The following ZNF446 variants were observed in gnomAD, a reference collection of about 807,000 sequenced individuals.
The protein encoded by ZNF446 is zinc finger protein 446, also known as zinc finger protein with KRAB and SCAN domains 20.
A neutral mutation model predicts 34.0 loss-of-function variants in ZNF446; 42 were observed. The ratio of observed to expected loss-of-function variants is 1.23; its 90% CI spans 0.96 to 1.60. The LOEUF (loss-of-function observed/expected upper bound fraction) is 1.60, where lower values mean the gene tolerates loss of function less well. Among genes scored for constraint, ZNF446 ranks in the 40% most tolerant of loss-of-function variants. The probability of loss-of-function intolerance (pLI) is 0.00; values close to 1 mark genes in which losing one functional copy is unlikely to be tolerated. For missense variants in ZNF446, 650 were observed against 600.2 expected (o/e 1.08, Z -0.87); for synonymous variants, 315 against 251.0 (o/e 1.25, Z -2.41).
At chr19:58,484,605 G>A (rs1394733076), downstream of ZNF446, among the ~76,000 whole-genome samples, 8 of 151,938 alleles carry the variant, frequency 5.3e-5, no homozygotes, top group Admixed American at 5.3e-4. Context: ...GCAAAGGCGG[G>A]CGGACTGCTT....
At position 58,477,199 on chromosome 19, in the gene ZNF446, G is replaced by C. The variant is rs368709271; in HGVS notation, c.-20G>C. 90 of 1,528,502 alleles carry C rather than the reference G, an allele frequency of 5.9e-5. No homozygotes were observed. The Admixed American group carries it at 1.8e-3, about 31-fold the overall frequency. 94.7% of individuals were successfully genotyped at this position (1,528,502 alleles called of 1,614,324 possible). A position where few individuals can be genotyped will look rare whatever the true frequency, so the allele number is the denominator to read the frequency against. ...TGTAGGCCCATCTTGACGATTCCAA[G>C]ACCACCCCCTTGAGCAAGAATGCCA... On this transcript the variant is annotated 5_prime_UTR_variant, in exon 2 of 7. Coordinates refer to ENST00000594369, the MANE Select transcript of ZNF446 (RefSeq NM_017908.4).
chr19:58,487,811 A>G, the ZNF446 span, among the ~76,000 whole-genome samples: 1 of 152,258 alleles, frequency 6.6e-6, no homozygotes, highest in Non-Finnish European at 1.5e-5. Context: ...TCTATCTCAA[A>G]AAACAAATTA....
chr19:58,484,264 C>A (rs1704492501), downstream of ZNF446, among the ~76,000 whole-genome samples: 1 of 125,504 alleles, frequency 8.0e-6, no homozygotes, highest in Non-Finnish European at 1.7e-5. Context: ...GAGTGAGACC[C>A]CATCTCTAAA....
chr19:58,480,027 C>T lies in ZNF446; in HGVS notation c.802+8C>T. On this transcript the variant is annotated splice_region_variant and intron_variant, in intron 6 of 6. Coordinates refer to ENST00000594369, the MANE Select transcript of ZNF446 (RefSeq NM_017908.4). This position sits in a 1 kb window ranked among gnomAD's most constrained non-coding sequence, Gnocchi z 7.2. ...GCAGAAGCCTGCGCTCGGGTGAGTG[C>T]CCCACACCATCCAGCCTGAATCACC... 1.3e-6 allele frequency: 2 copies of T among 1,576,970 alleles called. No homozygotes were observed. The highest frequency in any genetic ancestry group is 1.8e-5 in the Admixed American group (1 of 55,318).
rs1249019379 is a variant in ZNF446, at chr19:58,478,099, C to T, written c.545C>T (p.Pro182Leu). Residue 182 changes from proline to leucine, a missense_variant, in exon 4 of 7, where the codon CCT becomes CTT. Pro to Leu is a moderately conservative substitution (Grantham distance 98, BLOSUM62 -3). Transcript: ENST00000594369. ...VDGQEVAPSSPPLAAQSPEGN... is the reference protein window; with the variant it reads ...VDGQEVAPSSLPLAAQSPEGN... ...CCCCACTTTTCAGCACCCTCCAGCC[C>T]TCCACTTGCAGCACAGTCCCCTGAG... 4 of 1,613,600 alleles carry T rather than the reference C, an allele frequency of 2.5e-6. No individual in the cohort carries two copies. The highest frequency in any genetic ancestry group is 2.5e-6 in the Non-Finnish European group (3 of 1,179,700).
intron 1 of ZNF446, 150 bp downstream of exon 1, chr19:58,476,654 C>T (rs7250723): frequency 0.014 from 2,192 of 152,348 alleles, 42 homozygotes; most frequent in African/African-American, 0.05. Flanking sequence ...GCCCACGGCT[C>T]GCTGTGGTCA....
chr19:58,479,103 C>G (rs145913021), intron 4 of ZNF446, among the ~76,000 whole-genome samples: 1 of 152,162 alleles, frequency 6.6e-6, no homozygotes, highest in South Asian at 2.1e-4. Flanking sequence ...AGATGTGTTT[C>G]GAGGCTAAGA....
intron 5 of ZNF446, 66 bp from the exon 6 acceptor site, chr19:58,479,864 A>AC (rs1472700605): frequency 7.2e-7 from 1 of 1,397,282 alleles, no homozygotes; most frequent in Non-Finnish European, 9.9e-7. Flanking sequence ...CCTGTCACCT[A>AC]CCAGAACCGA....
downstream of ZNF446, among the ~76,000 whole-genome samples, chr19:58,485,032 G>A (rs1164341011): frequency 6.6e-6 from 1 of 152,036 alleles, no homozygotes; most frequent in African/African-American, 2.4e-5. Flanking sequence ...CGGAGCAACA[G>A]AGTGAGACCC....
chr19:58,485,063 A>C (rs984067999), downstream of ZNF446, among the ~76,000 whole-genome samples: 1 of 152,290 alleles, frequency 6.6e-6, no homozygotes, highest in South Asian at 2.1e-4. Context: ...AAATAAAAAG[A>C]AGCACATTTT....
chr19:58,477,556 G>T lies in ZNF446; in HGVS notation c.338G>T (p.Gly113Val). 6.2e-7 allele frequency: 1 copy of T among 1,612,238 alleles called. No individual in the cohort carries two copies. Among genetic ancestry groups the T allele is most frequent in the African/African-American group, 1.3e-5 (1 of 75,052 alleles). The change falls in exon 2 of 7, where the codon GGC becomes GTC. Residue 113 changes from glycine (G) to valine (V), a missense_variant. Physicochemically the swap from Gly to Val is moderately radical, Grantham distance 109. Coordinates refer to ENST00000594369, the MANE Select transcript of ZNF446 (RefSeq NM_017908.4). ...GLQHDPGQLL[G>V]WITAHVLKQE... is the part of the protein sequence containing the mutation. ...CAGCATGACCCTGGGCAACTGTTGG[G>T]CTGGGTGAGTGTGGCTGGCATCAGC...
the ZNF446 span, among the ~76,000 whole-genome samples, chr19:58,488,838 A>G: frequency 1.3e-4 from 19 of 141,126 alleles, no homozygotes; most frequent in Non-Finnish European, 2.0e-4. Context: ...GTGACAGAGC[A>G]AGACTCCGTC....
the ZNF446 span, among the ~76,000 whole-genome samples, chr19:58,486,453 G>A: frequency 1.3e-5 from 2 of 151,972 alleles, no homozygotes; most frequent in Non-Finnish European, 2.9e-5. Flanking sequence ...TATTCCCCAA[G>A]CTGGAGTGCA....
At chr19:58,482,866 A>G (rs1194989628), downstream of ZNF446, among the ~76,000 whole-genome samples, 1 of 152,208 alleles carries the variant, frequency 6.6e-6, no homozygotes, top group Non-Finnish European at 1.5e-5. Flanking sequence ...CAGAAGGGAG[A>G]GTCAGGGTAT....
In ZNF446 at chr19:58,477,700, G is replaced by A. The variant is rs1366634110; in HGVS notation, c.406G>A (p.Gly136Arg). ...PAAQKTEEPL[G>R]SPHPSGTVES... Reference sequence around the variant, plus strand: ...AGCCCAGAAGACAGAGGAACCACTTGGGAGCCCCCACCCCTCAGGGACAGT... The same window carrying A: ...AGCCCAGAAGACAGAGGAACCACTTAGGAGCCCCCACCCCTCAGGGACAGT... The change falls in exon 3 of 7, where the codon GGG becomes AGG. Residue 136 changes from glycine (G) to arginine (R), a missense_variant. Transcript: ENST00000594369. 2 of 1,613,874 alleles carry A rather than the reference G, an allele frequency of 1.2e-6. No individual in the cohort carries two copies. The highest frequency in any genetic ancestry group is 1.1e-5 in the South Asian group (1 of 91,078).
chr19:58,484,056 GA>G (rs921662692), downstream of ZNF446, among the ~76,000 whole-genome samples: 20 of 152,168 alleles, frequency 1.3e-4, no homozygotes, highest in Admixed American at 3.3e-4. Context: ...GGGAACATGA[GA>G]TTTATTTTTG....
the ZNF446 span, among the ~76,000 whole-genome samples, chr19:58,488,848 C>CA: frequency 0.053 from 5,434 of 102,178 alleles, 396 homozygotes; most frequent in African/African-American, 0.15. Flanking sequence ...AAGACTCCGT[C>CA]AAAAAAAAAA....
downstream of ZNF446, among the ~76,000 whole-genome samples, chr19:58,485,368 G>A (rs1228339416): frequency 1.3e-5 from 2 of 151,780 alleles, no homozygotes. Context: ...AAATTAGCCG[G>A]GTATAGTGGC....
Position 58,477,213 on chromosome 19 carries a change from G to C in ZNF446, c.-6G>C. On this transcript the variant is annotated 5_prime_UTR_variant, in exon 2 of 7. Transcript: ENST00000594369. ...GACGATTCCAAGACCACCCCCTTGA[G>C]CAAGAATGCCATCCCCTCTGGGTCC... 1.3e-6 allele frequency: 2 copies of C among 1,544,748 alleles called. No homozygotes were observed. The highest frequency in any genetic ancestry group is 1.7e-6 in the Non-Finnish European group (2 of 1,146,286).
Sources: gnomAD v4.1 joint callset for allele counts (sites outside exome capture counted in the v4.1 genomes callset) on GRCh38, gnomAD v4.1.1 for gene constraint, Gnocchi (gnomAD v3.1) non-coding constraint, MANE v1.5 for transcripts, NCBI Gene and HGNC (gene_info 2026-07-23, HGNC 2026-07-21) for gene names.